PDE8A: variants seen among roughly 807,000 people sequenced by gnomAD.
PDE8A encodes the protein high affinity cAMP-specific and IBMX-insensitive 3',5'-cyclic phosphodiesterase 8A.
A neutral mutation model predicts 105.0 loss-of-function variants in PDE8A; 59 were observed. The ratio of observed to expected loss-of-function variants is 0.56; its 90% CI spans 0.46 to 0.70. PDE8A has a LOEUF of 0.70. Ranked by LOEUF, PDE8A falls within the 30% of genes least tolerant of loss-of-function variation. The pLI is 0.00. For synonymous variants in PDE8A, 355 were observed against 371.9 expected (o/e 0.95, Z 0.52); for missense variants, 1,014 against 1,045.9 (o/e 0.97, Z 0.42).
chr15:84,993,669 C>T (rs1284871259), intron 1 of PDE8A, among the ~76,000 whole-genome samples: 1 of 151,700 alleles, frequency 6.6e-6, no homozygotes, highest in Non-Finnish European at 1.5e-5. Context: ...CACGTGAGGC[C>T]AGGAGTTTGA....
chr15:85,022,671 C>G (rs1199470886), intron 1 of PDE8A, among the ~76,000 whole-genome samples: 3 of 151,652 alleles, frequency 2.0e-5, no homozygotes, highest in Non-Finnish European at 4.4e-5. Context: ...GCCCCAGCCT[C>G]CGGAGTAGCT....
intron 1 of PDE8A, among the ~76,000 whole-genome samples, chr15:85,013,331 T>C (rs2080271252): frequency 1.3e-5 from 2 of 152,236 alleles, no homozygotes; most frequent in African/African-American, 4.8e-5. Flanking sequence ...TAACAAGTTA[T>C]TATCTTCTCT....
chr15:84,997,018 T>A (rs896754123), intron 1 of PDE8A, among the ~76,000 whole-genome samples: 2 of 152,118 alleles, frequency 1.3e-5, no homozygotes, highest in Non-Finnish European at 2.9e-5. Flanking sequence ...AAATTTGTTT[T>A]AAAAATTTTT....
At chr15:85,094,579 A>C (rs1460377368) in intron 8 of PDE8A, among the ~76,000 whole-genome samples, 1 of 152,188 alleles carries the variant, frequency 6.6e-6, no homozygotes, top group Non-Finnish European at 1.5e-5. Flanking sequence ...CTCATCTCCC[A>C]AAAACCCAAT....
At chr15:85,116,340 C>A in intron 16 of PDE8A, 1 of 530,362 alleles carries the variant, frequency 1.9e-6, no homozygotes, top group African/African-American at 1.9e-5. Flanking sequence ...GCAACTGAGC[C>A]AGTGACTTCT....
chr15:85,100,206 GC>G lies in PDE8A; in HGVS notation c.1036+12del. ...AGTCTGACACTCATACAGGTACGGT[GC>G]CCCGTATTTATTCTTAGAGTTCATT... On this transcript the variant is annotated intron_variant, in intron 11 of 21. Coordinates refer to ENST00000394553, the MANE Select transcript of PDE8A (RefSeq NM_002605.3). 6.2e-7 allele frequency: 1 copy of G among 1,608,406 alleles called. No homozygotes were observed. Among genetic ancestry groups the G allele is most frequent in the Non-Finnish European group, 8.5e-7 (1 of 1,175,572 alleles).
chr15:85,116,289 G>C, intron 16 of PDE8A, 170 bp downstream of exon 16: 1 of 592,968 alleles, frequency 1.7e-6, no homozygotes, highest in Admixed American at 3.0e-5. Flanking sequence ...GCCTGGGGGA[G>C]AGTCTGCTGG....
At chr15:85,127,564 A>G (rs1211575855) in intron 20 of PDE8A, among the ~76,000 whole-genome samples, 3 of 152,202 alleles carry the variant, frequency 2.0e-5, no homozygotes, top group South Asian at 2.1e-4. Context: ...GCCCAGTCCC[A>G]TTTACAGTAG....
At chr15:85,089,130 A>C (rs1000148488) in intron 6 of PDE8A, among the ~76,000 whole-genome samples, 2 of 152,116 alleles carry the variant, frequency 1.3e-5, no homozygotes, top group Non-Finnish European at 2.9e-5. Flanking sequence ...TCTTTCCTTC[A>C]TATTGGAAGG....
chr15:85,005,958 C>T lies in PDE8A; in HGVS notation c.186+23610C>T, dbSNP rs556387339. The stretch of plus-strand genomic sequence containing the variant: ...ATGATTGCCATGGGGCTGGGTCACA[C>T]GTTCGGCTCTGAGCTTCCACAGCCT... On this transcript the variant is annotated intron_variant, in intron 1 of 21. Transcript: ENST00000394553. Among the ~76,000 whole-genome samples the T allele has an allele frequency of 4.6e-5, 7 of 152,256 alleles. No homozygotes were observed. In the East Asian group the frequency reaches 7.7e-4, roughly 17 times the overall value.
intron 1 of PDE8A, among the ~76,000 whole-genome samples, chr15:85,050,110 A>T (rs1034804777): frequency 5.9e-5 from 9 of 152,006 alleles, no homozygotes; most frequent in Non-Finnish European, 8.8e-5. Flanking sequence ...TTCTTTTATT[A>T]ATATATCTTC....
At chr15:85,081,309 T>C (rs1285797418) in intron 5 of PDE8A, among the ~76,000 whole-genome samples, 1 of 152,228 alleles carries the variant, frequency 6.6e-6, no homozygotes, top group African/African-American at 2.4e-5. Context: ...GTAGACTCAC[T>C]GCTGGGTGCA....
At chr15:84,987,515 A>G in intron 1 of PDE8A, among the ~76,000 whole-genome samples, 1 of 126,598 alleles carries the variant, frequency 7.9e-6, no homozygotes, top group South Asian at 2.5e-4. Flanking sequence ...CTTGTTGCCC[A>G]GGCTGGAGTG....
intron 1 of PDE8A, among the ~76,000 whole-genome samples, chr15:85,029,524 T>C (rs1286296340): frequency 6.6e-6 from 1 of 152,030 alleles, no homozygotes; most frequent in African/African-American, 2.4e-5. Context: ...ATTACCTCTC[T>C]TATGTTTGCC....
intron 1 of PDE8A, among the ~76,000 whole-genome samples, chr15:85,054,663 TC>T (rs1436273121): frequency 6.6e-5 from 10 of 152,134 alleles, no homozygotes; most frequent in African/African-American, 2.4e-4. Context: ...GTGGTTATAT[TC>T]CCTTCATCAT....
At chr15:84,993,442 CAAAAA>C (rs11362736) in intron 1 of PDE8A, among the ~76,000 whole-genome samples, 3 of 73,116 alleles carry the variant, frequency 4.1e-5, no homozygotes, top group East Asian at 4.6e-4. Context: ...GACTCCATCT[CAAAAA>C]AAAAAAAAAA....
At position 85,056,274 on chromosome 15, in the gene PDE8A, A is replaced by G. The variant is rs59747027; in HGVS notation, c.187-8096A>G. On this transcript the variant is annotated intron_variant, in intron 1 of 21. Coordinates refer to ENST00000394553, the MANE Select transcript of PDE8A (RefSeq NM_002605.3). Reference sequence around the variant, plus strand: ...CTTCATTTCAACTTTGGTGAATCTGACAATTACGTGTCTTGGAGTTGCTCT... The same window carrying G: ...CTTCATTTCAACTTTGGTGAATCTGGCAATTACGTGTCTTGGAGTTGCTCT... 5.3e-3 allele frequency among the ~76,000 whole-genome samples: 808 copies of G among 152,112 alleles called. 4 individuals carry two copies. Among genetic ancestry groups the G allele is most frequent in the African/African-American group, 0.018 (750 of 41,452 alleles).
At chr15:84,984,466 T>G (rs946587184) in intron 1 of PDE8A, among the ~76,000 whole-genome samples, 2 of 152,240 alleles carry the variant, frequency 1.3e-5, no homozygotes, top group African/African-American at 4.8e-5. Flanking sequence ...TTTCTTTGTA[T>G]TATCTCAAGA....
chr15:85,028,451 G>A (rs2080555432), intron 1 of PDE8A, among the ~76,000 whole-genome samples: 1 of 152,128 alleles, frequency 6.6e-6, no homozygotes, highest in South Asian at 2.1e-4. Context: ...CTGGCCTCAA[G>A]TGATCCTCCT....
Sources: allele counts gnomAD v4.1 joint callset (sites outside exome capture counted in the v4.1 genomes callset), GRCh38; gene constraint gnomAD v4.1.1; transcripts MANE v1.5; gene names NCBI Gene and HGNC (gene_info 2026-07-23, HGNC 2026-07-21).